Variants in GALM observed in about 807,000 individuals in gnomAD.
GALM encodes aldose 1-epimerase.
GALM carries 43 observed loss-of-function variants against 37.4 expected under a neutral mutation model. The ratio of observed to expected loss-of-function variants is 1.15; its 90% confidence interval spans 0.90 to 1.48. The LOEUF (loss-of-function observed/expected upper bound fraction) is 1.48, where lower values mean the gene tolerates loss of function less well. Ranked by LOEUF, GALM falls within the 40% of genes most tolerant of loss-of-function variation. The pLI, the probability that GALM is intolerant of heterozygous loss-of-function variation, is 0.00. For synonymous variants in GALM, 199 were observed against 170.6 expected (o/e 1.17, Z -1.30); for missense variants, 456 against 419.1 (o/e 1.09, Z -0.77).
intron 4 of GALM, among the ~76,000 whole-genome samples, chr2:38,703,094 T>TATATATATATA (rs1558588767): frequency 2.5e-4 from 2 of 8,108 alleles, no homozygotes; most frequent in Non-Finnish European, 3.9e-4. Context: ...ATATATATAT[T>TATATATATATA]TTTTTTTTTT....
intron 2 of GALM, among the ~76,000 whole-genome samples, chr2:38,677,833 G>A (rs139868506): frequency 5.9e-4 from 90 of 151,942 alleles, no homozygotes; most frequent in Middle Eastern, 3.4e-3. Context: ...TGTTAAAGGC[G>A]AATGGCCACA....
chr2:38,718,593 C>A (rs1345025152), intron 4 of GALM, among the ~76,000 whole-genome samples: 1 of 151,796 alleles, frequency 6.6e-6, no homozygotes, highest in Non-Finnish European at 1.5e-5. Context: ...GTCAGATTTC[C>A]TTTCTTTTTT....
intron 4 of GALM, among the ~76,000 whole-genome samples, chr2:38,720,084 C>G (rs1360710704): frequency 6.6e-6 from 1 of 152,096 alleles, no homozygotes; most frequent in East Asian, 1.9e-4. Flanking sequence ...CAATGGCACA[C>G]ACTTGTAGTC....
chr2:38,701,192 G>C (rs1215447788), intron 4 of GALM, among the ~76,000 whole-genome samples: 1 of 152,134 alleles, frequency 6.6e-6, no homozygotes, highest in Non-Finnish European at 1.5e-5. Context: ...TCATTCTCAG[G>C]ATTGTAAATA....
intron 2 of GALM, among the ~76,000 whole-genome samples, chr2:38,678,099 C>T (rs1665304646): frequency 6.6e-6 from 1 of 151,706 alleles, no homozygotes; most frequent in Non-Finnish European, 1.5e-5. Flanking sequence ...TCACCACAAC[C>T]TCCACCTCCT....
intron 4 of GALM, among the ~76,000 whole-genome samples, chr2:38,712,078 A>G (rs1666184734): frequency 6.6e-6 from 1 of 152,182 alleles, no homozygotes; most frequent in Admixed American, 6.5e-5. Flanking sequence ...ATTGTTGACT[A>G]AAGTCCAAGA....
intron 4 of GALM, among the ~76,000 whole-genome samples, chr2:38,690,198 G>A (rs538795021): frequency 2.6e-5 from 4 of 152,138 alleles, no homozygotes; most frequent in South Asian, 4.2e-4. Flanking sequence ...GGGGCTGGGC[G>A]CGGTGGCTCA....
Position 38,689,712 on chromosome 2 carries a change from GTT to G in GALM, c.553-97_553-96del. 7 of 701,224 alleles carry G rather than the reference GTT, an allele frequency of 1.0e-5. 1 individual carries two copies. In the South Asian group the frequency reaches 1.4e-4, roughly 14 times the overall value. The allele number at this position is 701,224 out of a possible 1,614,324, so 43.4% of individuals were successfully genotyped here. A position where few individuals can be genotyped will look rare whatever the true frequency, so the allele number is the denominator to read the frequency against. On this transcript the variant is annotated intron_variant, in intron 3 of 6. Transcript: ENST00000272252. ...CCATCAGCCAAACAAGATTTTAAAA[GTT>G]TTTGTCAATGCCTGAAAACATTTTT... is the stretch of plus-strand genomic sequence containing the variant.
At chr2:38,692,726 A>T (rs560090539) in intron 4 of GALM, among the ~76,000 whole-genome samples, 1 of 152,338 alleles carries the variant, frequency 6.6e-6, no homozygotes, top group East Asian at 1.9e-4. Flanking sequence ...CAGGATAGAC[A>T]TAACTAGGAG....
intron 4 of GALM, among the ~76,000 whole-genome samples, chr2:38,722,853 G>A (rs1016231066): frequency 4.6e-5 from 7 of 152,182 alleles, no homozygotes; most frequent in East Asian, 1.9e-4. Flanking sequence ...TCCAGAGGGA[G>A]GTGGAAAGTG....
chr2:38,667,369 A>G (rs1286860194), intron 1 of GALM, among the ~76,000 whole-genome samples: 1 of 147,624 alleles, frequency 6.8e-6, no homozygotes, highest in Non-Finnish European at 1.5e-5. Context: ...TGTTGGCCAG[A>G]CCAGCCTGGC....
intron 3 of GALM, among the ~76,000 whole-genome samples, chr2:38,683,988 C>A (rs75834156): frequency 5.9e-5 from 9 of 152,206 alleles, no homozygotes; most frequent in South Asian, 2.1e-4. Context: ...CAAGGCACTC[C>A]GGTAGGAGTG....
chr2:38,731,684 T>G (rs376545654), intron 5 of GALM, 51 bp from the exon 6 acceptor site: 1 of 1,456,698 alleles, frequency 6.9e-7, no homozygotes, highest in Admixed American at 1.7e-5. Context: ...CTTCTACTCC[T>G]CCCCACCTGC....
intron 3 of GALM, 93 bp downstream of exon 3, chr2:38,681,579 G>T: frequency 9.5e-7 from 1 of 1,049,600 alleles, no homozygotes; most frequent in South Asian, 1.3e-5. Flanking sequence ...AATTGCTGTG[G>T]CAGTGAGGTC....
chr2:38,693,310 C>CTG (rs1180500231), intron 4 of GALM, among the ~76,000 whole-genome samples: 10 of 152,066 alleles, frequency 6.6e-5, no homozygotes, highest in African/African-American at 2.2e-4. Context: ...TGGTGAAACC[C>CTG]TGTCTCTACT....
chr2:38,705,318 G>A (rs17023053), intron 4 of GALM, among the ~76,000 whole-genome samples: 6,078 of 152,260 alleles, frequency 0.04, 412 homozygotes, highest in African/African-American at 0.14. Context: ...TAAGTTCCCA[G>A]AGCAGATTTG....
At chr2:38,689,326 C>T (rs550532932) in intron 3 of GALM, among the ~76,000 whole-genome samples, 1 of 152,290 alleles carries the variant, frequency 6.6e-6, no homozygotes, top group Non-Finnish European at 1.5e-5. Context: ...GTTCTGACAC[C>T]TGGGCTTCTG....
At chr2:38,730,546 T>C (rs1400292147) in intron 5 of GALM, among the ~76,000 whole-genome samples, 1 of 152,282 alleles carries the variant, frequency 6.6e-6, no homozygotes, top group East Asian at 1.9e-4. Context: ...ATTACAGGTG[T>C]AAGCCACTGC....
chr2:38,715,992 C>T (rs1446260221), intron 4 of GALM, among the ~76,000 whole-genome samples: 2 of 152,218 alleles, frequency 1.3e-5, no homozygotes, highest in East Asian at 3.8e-4. Flanking sequence ...GCCTTTAAAT[C>T]CAGGCCTGCC....
Sources: allele counts gnomAD v4.1 joint callset (sites outside exome capture counted in the v4.1 genomes callset), GRCh38; gene constraint gnomAD v4.1.1; transcripts MANE v1.5; gene names NCBI Gene and HGNC (gene_info 2026-07-23, HGNC 2026-07-21).